ADCY9: variants seen among roughly 807,000 people sequenced by gnomAD.
ADCY9 encodes adenylate cyclase 9.
ADCY9 carries 50 observed loss-of-function variants against 101.5 expected under a neutral mutation model. The ratio of observed to expected loss-of-function variants is 0.49; its 90% CI spans 0.39 to 0.62. The LOEUF (loss-of-function observed/expected upper bound fraction) is 0.62, where lower values mean the gene tolerates loss of function less well. Ranked by LOEUF, ADCY9 falls within the 20% of genes least tolerant of loss-of-function variation. The probability of loss-of-function intolerance (pLI) is 0.00; values close to 1 mark genes in which losing one functional copy is unlikely to be tolerated. For missense variants in ADCY9, 1,662 were observed against 1,800.4 expected, an observed-to-expected ratio of 0.92 and a Z score of 1.39; for synonymous variants, 905 against 769.3, an observed-to-expected ratio of 1.18 and a Z score of -2.92.
chr16:3,956,503 T>TTTTTTTTTGGGG (rs55792938), intron 5 of ADCY9, among the ~76,000 whole-genome samples: 8 of 69,570 alleles, frequency 1.1e-4, no homozygotes, highest in African/African-American at 2.8e-4. Flanking sequence ...TTTTTTTTTT[T>TTTTTTTTTGGGG]GGGGGGGGAT....
At chr16:4,046,355 TG>T (rs2056664886) in intron 2 of ADCY9, among the ~76,000 whole-genome samples, 3 of 152,184 alleles carry the variant, frequency 2.0e-5, no homozygotes, top group Admixed American at 2.0e-4. Flanking sequence ...CACCATATGT[TG>T]TGCAGATCCA....
chr16:3,976,832 AT>A (rs2056096544), intron 9 of ADCY9, among the ~76,000 whole-genome samples: 1 of 151,862 alleles, frequency 6.6e-6, no homozygotes, highest in African/African-American at 2.4e-5. Flanking sequence ...TAATTTTTGT[AT>A]TTTTCGTAGA....
intron 2 of ADCY9, among the ~76,000 whole-genome samples, chr16:4,072,994 G>GAAAAAAAAAAAAAAAAAAAAAAAA (rs59730727): frequency 1.5e-5 from 2 of 129,682 alleles, no homozygotes; most frequent in African/African-American, 6.0e-5. Flanking sequence ...TATCCTAAAA[G>GAAAAAAAAAAAAAAAAAAAAAAAA]AAAAAAAAAA....
chr16:4,032,392 G>A (rs748966460), intron 2 of ADCY9, among the ~76,000 whole-genome samples: 6 of 152,144 alleles, frequency 3.9e-5, no homozygotes, highest in African/African-American at 7.2e-5. Flanking sequence ...AGGGCAGGAC[G>A]GCTGCTGGGT....
At chr16:3,972,381 C>A (rs2056060085) in intron 10 of ADCY9, among the ~76,000 whole-genome samples, 1 of 151,978 alleles carries the variant, frequency 6.6e-6, no homozygotes, top group Non-Finnish European at 1.5e-5. Context: ...AGGTGCCCGC[C>A]ACCACGTCCA....
rs144986362 is a variant in ADCY9 at position 3,979,166 on chromosome 16, C to T, written c.2629G>A (p.Ala877Thr). The change falls in exon 8 of 11, where the codon GCA (alanine) becomes ACA (threonine). Residue 877 changes from alanine (A) to threonine (T), a missense_variant. Physicochemically the swap from Ala to Thr is moderately conservative, Grantham distance 58. Transcript: ENST00000294016. Reference protein sequence around the residue: ...CIGAILVSLPALAVYSHVTSE... With the variant: ...CIGAILVSLPTLAVYSHVTSE... ...GTGACATGGGAGTAGACGGCCAGTG[C>T]GGGAAGCGACACCAGGATGGCCCCG... 52 of 1,614,126 alleles carry T rather than the reference C, an allele frequency of 3.2e-5. No individual in the cohort carries two copies. In the South Asian group the frequency reaches 3.4e-4, roughly 11 times the overall value.
rs145528508 is a variant in ADCY9, at chr16:4,041,075, A to T, written c.1694-33517T>A. ...CAGAGAATCAAAGCCCAGGGAGGAA[A>T]ATCATATAGGGGACATTAAAGACCA... On this transcript the variant is annotated intron_variant, in intron 2 of 10. Transcript: ENST00000294016. Among the ~76,000 whole-genome samples, 85 of 152,340 alleles carry T rather than the reference A, an allele frequency of 5.6e-4. 1 individual carries two copies. Among genetic ancestry groups the T allele is most frequent in the Middle Eastern group, 6.8e-3 (2 of 294 alleles).
chr16:4,062,511 T>C (rs779390705), intron 2 of ADCY9, among the ~76,000 whole-genome samples: 5 of 152,130 alleles, frequency 3.3e-5, no homozygotes, highest in Non-Finnish European at 7.3e-5. Flanking sequence ...TGGAGAAAAA[T>C]GTACTATGCA....
In ADCY9 at chr16:4,115,324, T is replaced by C. The variant is rs753290289; in HGVS notation, c.119A>G (p.Asn40Ser). The change falls in exon 2 of 11, where the codon AAC (asparagine) becomes AGC (serine). Residue 40 changes from asparagine (N) to serine (S), a missense_variant. By Grantham distance (46) the Asn-to-Ser change is conservative. This residue lies in a region of ADCY9 where 422 missense variants were observed against 392.0 expected (regional missense o/e 1.08). Coordinates refer to ENST00000294016, the MANE Select transcript of ADCY9 (RefSeq NM_001116.4). The surrounding 1 kb of genome is among the most constrained non-coding windows in gnomAD (Gnocchi z 6.2). Reference protein sequence around the residue: ...VKINPKQLSSNSHPKHCKYSI... With the variant: ...VKINPKQLSSSSHPKHCKYSI... Reference sequence around the variant, plus strand: ...GTATTTGCAGTGCTTGGGGTGGCTGTTGGAGGACAGCTGCTTGGGGTTGAT... The same window carrying C: ...GTATTTGCAGTGCTTGGGGTGGCTGCTGGAGGACAGCTGCTTGGGGTTGAT... 2 of 1,613,668 alleles carry C rather than the reference T, an allele frequency of 1.2e-6. No homozygotes were observed. The highest frequency in any genetic ancestry group is 2.2e-5 in the East Asian group (1 of 44,850).
intron 2 of ADCY9, among the ~76,000 whole-genome samples, chr16:4,051,975 T>C (rs551180116): frequency 1.3e-5 from 2 of 152,208 alleles, no homozygotes; most frequent in South Asian, 4.1e-4. Flanking sequence ...CAAATTAATT[T>C]TACAGTGGAG....
At chr16:4,072,222 G>A (rs6500576) in intron 2 of ADCY9, among the ~76,000 whole-genome samples, 89,370 of 152,026 alleles carry the variant, frequency 0.59, 26,571 homozygotes, top group South Asian at 0.68. Flanking sequence ...GAAGAAGAGG[G>A]CATGTGAGAT....
Position 3,963,610 on chromosome 16 carries a change from G to A in ADCY9, c.*2165C>T. ...GGAATCACAAACACCTTTGTGGTTG[G>A]GGAAGGAAATGGGCTTGATGGGGAA... On this transcript the variant is annotated 3_prime_UTR_variant, in exon 11 of 11. Transcript: ENST00000294016. 2.8e-6 allele frequency: 1 copy of A among 355,952 alleles called. No individual in the cohort carries two copies. The highest frequency in any genetic ancestry group is 5.0e-6 in the Non-Finnish European group (1 of 199,262). The allele number at this position is 355,952 out of a possible 1,614,324, so 22.0% of individuals were successfully genotyped here.
chr16:4,036,135 C>G (rs1367636398), intron 2 of ADCY9, among the ~76,000 whole-genome samples: 1 of 141,216 alleles, frequency 7.1e-6, no homozygotes, highest in Non-Finnish European at 1.5e-5. Flanking sequence ...CTCCTTGTAT[C>G]TTCCTATCTC....
chr16:3,978,720 T>C (rs1337659199), intron 8 of ADCY9, among the ~76,000 whole-genome samples: 2 of 152,112 alleles, frequency 1.3e-5, no homozygotes, highest in African/African-American at 2.4e-5. Flanking sequence ...TTTTATTTTA[T>C]TTATTTTATT....
At chr16:4,008,334 G>A (rs2056381226) in intron 2 of ADCY9, among the ~76,000 whole-genome samples, 1 of 152,124 alleles carries the variant, frequency 6.6e-6, no homozygotes, top group Non-Finnish European at 1.5e-5. Context: ...ATCCTGCCCC[G>A]GGAATCTGCT....
rs144889147 is a variant in ADCY9, at chr16:4,068,388, G to A, written c.1693+45362C>T. The stretch of plus-strand genomic sequence containing the variant: ...CCTCTAATCCCACTGTAAAGAACAC[G>A]CGCTATATATAAATTTGTATATATC... On this transcript the variant is annotated intron_variant, in intron 2 of 10. Coordinates refer to ENST00000294016, the MANE Select transcript of ADCY9 (RefSeq NM_001116.4). Among the ~76,000 whole-genome samples, 91 of 151,106 alleles carry A rather than the reference G, an allele frequency of 6.0e-4. 1 individual carries two copies. In the East Asian group the frequency reaches 0.011, roughly 19 times the overall value.
At position 4,114,207 on chromosome 16, in the gene ADCY9, G is replaced by C. The variant is rs73492586; in HGVS notation, c.1236C>G (p.Ala412=). Residue 412 remains alanine, a synonymous_variant, in exon 2 of 11, where the codon GCC becomes GCG. Transcript: ENST00000294016. This position sits in a 1 kb window ranked among gnomAD's most constrained non-coding sequence, Gnocchi z 4.3. ...GFTKMSANKS[A]HALVGLLNDL... ...CGTTCAGGAGACCCACCAGGGCGTG[G>C]GCAGACTTGTTGGCACTCATCTTGG... 12 of 1,613,824 alleles carry C rather than the reference G, an allele frequency of 7.4e-6. No homozygotes were observed. In the South Asian group the frequency reaches 1.2e-4, roughly 16 times the overall value.
Position 3,965,651 on chromosome 16 carries a change from G to A in ADCY9, c.*124C>T. The A allele has an allele frequency of 2.4e-6, 2 of 833,188 alleles. No homozygotes were observed. The highest frequency in any genetic ancestry group is 1.8e-5 in the South Asian group (1 of 56,860). 51.6% of individuals were successfully genotyped at this position (833,188 alleles called of 1,614,324 possible). A position where few individuals can be genotyped will look rare whatever the true frequency, so the allele number is the denominator to read the frequency against. On this transcript the variant is annotated 3_prime_UTR_variant, in exon 11 of 11. Coordinates refer to ENST00000294016, the MANE Select transcript of ADCY9 (RefSeq NM_001116.4). ...TGTGATCCACACAGAAGTTAGGGCT[G>A]AAATGACCACATAACACCACGTCCG...
At chr16:4,016,265 A>G (rs532223324) in intron 2 of ADCY9, among the ~76,000 whole-genome samples, 1 of 152,382 alleles carries the variant, frequency 6.6e-6, no homozygotes, top group African/African-American at 2.4e-5. Flanking sequence ...AAGGTCTGCA[A>G]TAACTATTAA....
Sources: gnomAD v4.1 joint callset for allele counts (sites outside exome capture counted in the v4.1 genomes callset) on GRCh38, gnomAD v4.1.1 for gene constraint, gnomAD v4.1.1 regional missense constraint, Gnocchi (gnomAD v3.1) non-coding constraint, MANE v1.5 for transcripts, NCBI Gene and HGNC (gene_info 2026-07-23, HGNC 2026-07-21) for gene names.